The following MAGED1 variants were observed in gnomAD, a reference collection of about 807,000 sequenced individuals.
MAGED1 encodes the protein melanoma-associated antigen D1.
In MAGED1, 3 loss-of-function variants were observed where a neutral mutation model predicts 54.1. That is an observed-to-expected ratio of 0.06 (90% CI 0.03 to 0.14). The LOEUF is 0.14. Among genes scored for constraint, MAGED1 ranks in the 10% least tolerant of loss-of-function variants. The pLI, the probability that MAGED1 is intolerant of heterozygous loss-of-function variation, is 1.00. For synonymous variants in MAGED1, 217 were observed against 227.3 expected (o/e 0.95, Z 0.41); for missense variants, 485 against 623.4 (o/e 0.78, Z 2.36).
intron 1 of MAGED1, among the ~76,000 whole-genome samples, chrX:51,849,234 T>C (rs1557359541): frequency 9.0e-6 from 1 of 111,618 alleles, no homozygotes; most frequent in Non-Finnish European, 1.9e-5. Context: ...ATTTCCTATA[T>C]ATATGTGTGT....
At chrX:51,857,664 A>T (rs1927135963) in intron 1 of MAGED1, 1 of 112,374 alleles carries the variant, frequency 8.9e-6, no homozygotes, top group Non-Finnish European at 1.9e-5. Context: ...ATCAAAGATA[A>T]TCTTTTACAA....
intron 2 of MAGED1, chrX:51,894,726 TCTCAA>T (rs782050968): frequency 8.6e-7 from 1 of 1,162,057 alleles, no homozygotes; most frequent in Non-Finnish European, 1.1e-6. Context: ...CCCCCCTTAT[TCTCAA>T]CTCCGCGATC....
At chrX:51,814,609 C>A (rs997982567) in intron 1 of MAGED1, among the ~76,000 whole-genome samples, 2 of 111,150 alleles carry the variant, frequency 1.8e-5, no homozygotes, top group African/African-American at 3.3e-5. Flanking sequence ...TCATGTACAG[C>A]ATTATGATGT....
At chrX:51,804,957 C>G (rs1412935600) in intron 1 of MAGED1, among the ~76,000 whole-genome samples, 1 of 111,989 alleles carries the variant, frequency 8.9e-6, no homozygotes, top group African/African-American at 3.2e-5. Flanking sequence ...CTAGTGGTCA[C>G]TTTTCTGCAT....
At chrX:51,847,997 T>C (rs1008007038) in intron 1 of MAGED1, among the ~76,000 whole-genome samples, 1 of 112,143 alleles carries the variant, frequency 8.9e-6, no homozygotes, top group Non-Finnish European at 1.9e-5. Flanking sequence ...TGTTGAAAAA[T>C]TGTGGCTGTG....
intron 1 of MAGED1, among the ~76,000 whole-genome samples, chrX:51,876,016 A>G (rs1927853509): frequency 9.0e-6 from 1 of 111,276 alleles, no homozygotes; most frequent in Non-Finnish European, 1.9e-5. Flanking sequence ...AACCATACAT[A>G]GGACAAACCC....
rs782037331 is a variant in MAGED1, at chrX:51,896,533, A to G, written c.878A>G (p.Asn293Ser). The change falls in exon 4 of 13, where the codon AAT becomes AGT. Residue 293 changes from asparagine to serine, a missense_variant. Physicochemically the swap from Asn to Ser is conservative, Grantham distance 46. Transcript: ENST00000326587. The part of the protein sequence containing the change: ...TTQNPPGAPP[N>S]VLWQTPLAWQ... Reference sequence around the variant, plus strand: ...CAGAACCCACCTGGCGCACCCCCCAATGTGCTCTGGCAGACGCCATTGGCT... The same window carrying G: ...CAGAACCCACCTGGCGCACCCCCCAGTGTGCTCTGGCAGACGCCATTGGCT... 6.5e-5 allele frequency: 79 copies of G among 1,209,853 alleles called. No individual in the cohort carries two copies. Among genetic ancestry groups the G allele is most frequent in the Non-Finnish European group, 7.7e-5 (69 of 895,122 alleles).
rs782081087 is a variant in MAGED1, at chrX:51,895,140, G to A, written c.133G>A (p.Ala45Thr). 295 of 1,210,222 alleles carry A rather than the reference G, an allele frequency of 2.4e-4. No homozygotes were observed. Among genetic ancestry groups the A allele is most frequent in the Non-Finnish European group, 3.2e-4 (288 of 895,210 alleles). The change falls in exon 3 of 13, where the codon GCC becomes ACC. Residue 45 changes from alanine to threonine, a missense_variant. By Grantham distance (58) the Ala-to-Thr change is moderately conservative. Transcript: ENST00000326587. Reference sequence around the variant, plus strand: ...CTCAGAGGCTCCACCTACTAACCAGGCCACCGCAGCTGCTAGTCCCCAGAG... The same window carrying A: ...CTCAGAGGCTCCACCTACTAACCAGACCACCGCAGCTGCTAGTCCCCAGAG... ...QISEAPPTNQATAAASPQSSQ... is the reference protein window; with the variant it reads ...QISEAPPTNQTTAAASPQSSQ...
At chrX:51,855,543 C>T (rs954251215) in intron 1 of MAGED1, among the ~76,000 whole-genome samples, 29 of 111,353 alleles carry the variant, frequency 2.6e-4, no homozygotes, top group African/African-American at 8.5e-4. Context: ...TGTAGATGGC[C>T]GTCTTCTCCT....
At chrX:51,824,579 C>T (rs1557356794) in intron 1 of MAGED1, among the ~76,000 whole-genome samples, 1 of 109,018 alleles carries the variant, frequency 9.2e-6, no homozygotes. Context: ...ATTTGTGATG[C>T]TTTCAGCTGT....
At chrX:51,866,936 A>ACAC (rs1557361130) in intron 1 of MAGED1, among the ~76,000 whole-genome samples, 1 of 112,124 alleles carries the variant, frequency 8.9e-6, no homozygotes, top group Non-Finnish European at 1.9e-5. Context: ...ACACCAGTAA[A>ACAC]GAGAATTTAT....
At chrX:51,881,918 C>T (rs1438408642) in intron 1 of MAGED1, among the ~76,000 whole-genome samples, 1 of 110,507 alleles carries the variant, frequency 9.0e-6, no homozygotes, top group Admixed American at 9.7e-5. Context: ...CTCATTTCTC[C>T]CACTCTTCAT....
intron 2 of MAGED1, chrX:51,894,622 TC>T: frequency 8.4e-7 from 1 of 1,184,250 alleles, no homozygotes; most frequent in African/African-American, 1.8e-5. Context: ...TTTTTTTTTT[TC>T]CAGAATCCTG....
At chrX:51,869,691 A>C (rs1367323315) in intron 1 of MAGED1, among the ~76,000 whole-genome samples, 5 of 110,725 alleles carry the variant, frequency 4.5e-5, no homozygotes, top group African/African-American at 1.6e-4. Context: ...CAACATGGTA[A>C]AACCCTGTCT....
chrX:51,844,202 T>C (rs1395281188), intron 1 of MAGED1, among the ~76,000 whole-genome samples: 4 of 111,628 alleles, frequency 3.6e-5, no homozygotes, highest in African/African-American at 1.3e-4. Flanking sequence ...AGTTGAATAA[T>C]GGCCCCCTAA....
intron 1 of MAGED1, among the ~76,000 whole-genome samples, chrX:51,810,822 A>C (rs1925192908): frequency 9.0e-6 from 1 of 111,544 alleles, no homozygotes; most frequent in Non-Finnish European, 1.9e-5. Context: ...AGTAGGGGGG[A>C]ATCTTGATAT....
chrX:51,900,081 G>T, intron 10 of MAGED1, 101 bp from the exon 11 acceptor site: 1 of 536,546 alleles, frequency 1.9e-6, no homozygotes, highest in South Asian at 2.6e-5. Context: ...CCAAGGGGGA[G>T]TTGCTATCTG....
chrX:51,810,240 C>G (rs1476828088), intron 1 of MAGED1, among the ~76,000 whole-genome samples: 1 of 110,610 alleles, frequency 9.0e-6, no homozygotes, highest in African/African-American at 3.3e-5. Context: ...ATGTACACTC[C>G]CTGCCCCACC....
chrX:51,895,145 C>T lies in MAGED1; in HGVS notation c.138C>T (p.Thr46=). 5 of 1,211,834 alleles carry T rather than the reference C, an allele frequency of 4.1e-6. No individual in the cohort carries two copies. The highest frequency in any genetic ancestry group is 2.2e-6 in the Non-Finnish European group (2 of 895,393). The part of the protein sequence containing the change: ...ISEAPPTNQA[T]AAASPQSSQP... ...AGGCTCCACCTACTAACCAGGCCAC[C>T]GCAGCTGCTAGTCCCCAGAGTTCAC... Residue 46 remains threonine (T), a synonymous_variant, in exon 3 of 13, where the codon ACC becomes ACT. Transcript: ENST00000326587.
Sources: allele counts gnomAD v4.1 joint callset (sites outside exome capture counted in the v4.1 genomes callset), GRCh38; gene constraint gnomAD v4.1.1; transcripts MANE v1.5; gene names NCBI Gene and HGNC (gene_info 2026-07-23, HGNC 2026-07-21).